The following ZNF3 variants were observed in gnomAD, a reference collection of about 807,000 sequenced individuals.
ZNF3 encodes C2-H2 type zinc finger protein.
ZNF3 carries 16 observed loss-of-function variants against 36.9 expected under a neutral mutation model. That is an observed-to-expected ratio of 0.43 (90% CI 0.29 to 0.66). ZNF3 has a LOEUF of 0.66. Among genes scored for constraint, ZNF3 ranks in the 30% least tolerant of loss-of-function variants. The pLI is 0.13. For missense variants in ZNF3, 462 were observed against 543.1 expected, an observed-to-expected ratio of 0.85 and a Z score of 1.48; for synonymous variants, 201 against 201.9, an observed-to-expected ratio of 1.00 and a Z score of 0.04.
downstream of ZNF3, among the ~76,000 whole-genome samples, chr7:100,069,156 G>GAGAT (rs945936872): frequency 1.1e-4 from 16 of 151,528 alleles, no homozygotes; most frequent in Non-Finnish European, 1.9e-4. Context: ...TTTTGTTGTA[G>GAGAT]AGATAGGGTC....
Position 100,070,119 on chromosome 7 carries a change from G to A in ZNF3, c.*1024C>T, listed in dbSNP as rs1792890420. On this transcript the variant is annotated 3_prime_UTR_variant, in exon 6 of 6. Coordinates refer to ENST00000299667, the MANE Select transcript of ZNF3 (RefSeq NM_032924.5). ...ACCCAGCAACGAGCTCTGCTACCAG[G>A]CTCAGGCACAGCCTGCCTTCTCTGG... 2.0e-6 allele frequency: 2 copies of A among 985,718 alleles called. No individual in the cohort carries two copies. Among genetic ancestry groups the A allele is most frequent in the Non-Finnish European group, 2.4e-6 (2 of 829,934 alleles). 61.1% of individuals were successfully genotyped at this position (985,718 alleles called of 1,614,324 possible). A position where few individuals can be genotyped will look rare whatever the true frequency, so the allele number is the denominator to read the frequency against.
rs148676350 is a variant in ZNF3, at chr7:100,070,166, G to GT, written c.*976dup. 256,515 of 859,406 alleles carry GT rather than the reference G, an allele frequency of 0.3. 18,907 individuals carry two copies. The highest frequency in any genetic ancestry group is 0.46 in the Middle Eastern group (806 of 1,748). The allele number at this position is 859,406 out of a possible 1,614,324, so 53.2% of individuals were successfully genotyped here. On this transcript the variant is annotated 3_prime_UTR_variant, in exon 6 of 6. Transcript: ENST00000299667. ...CTGGGCTTCGTTTTTTTGTTTTTTTGTTTTTTTTTTCTCCCTTTTGGGCTT... is the reference window on the plus strand; with the variant it reads ...CTGGGCTTCGTTTTTTTGTTTTTTTGTTTTTTTTTTTCTCCCTTTTGGGCTT...
intron 2 of ZNF3, chr7:100,079,032 C>T (rs1794591458): frequency 6.6e-6 from 1 of 152,214 alleles, no homozygotes; most frequent in Admixed American, 6.5e-5. Context: ...TGTCCAATAC[C>T]AGAGCCCTTA....
Position 100,075,162 on chromosome 7 carries a change from C to T in ZNF3, c.244G>A (p.Glu82Lys). The T allele has an allele frequency of 6.2e-7, 1 of 1,611,966 alleles. No individual in the cohort carries two copies. The highest frequency in any genetic ancestry group is 8.5e-7 in the Non-Finnish European group (1 of 1,178,376). The change falls in exon 5 of 6, where the codon GAG becomes AAG. Residue 82 changes from glutamate to lysine, a missense_variant. Coordinates refer to ENST00000299667, the MANE Select transcript of ZNF3 (RefSeq NM_032924.5). Reference protein sequence around the residue: ...QRDLYRDVMLENYGNVFSLDR... With the variant: ...QRDLYRDVMLKNYGNVFSLDR... ...AGTGAGAACACATTCCCGTAATTCT[C>T]CAGCATCACATCTCTATAGAGGTCC...
intron 5 of ZNF3, 114 bp downstream of exon 5, chr7:100,075,021 C>G (rs1793838583): frequency 1.2e-5 from 16 of 1,350,014 alleles, no homozygotes; most frequent in Non-Finnish European, 1.5e-5. Context: ...TGTGCCATTG[C>G]ACCTCAAAAA....
downstream of ZNF3, among the ~76,000 whole-genome samples, chr7:100,066,469 C>T (rs577531651): frequency 1.9e-4 from 29 of 152,024 alleles, no homozygotes; most frequent in South Asian, 2.7e-3. Flanking sequence ...TGGTGGCTCA[C>T]GCCTCTAATC....
downstream of ZNF3, among the ~76,000 whole-genome samples, chr7:100,068,108 A>ATTC (rs1398363090): frequency 3.9e-5 from 6 of 151,988 alleles, no homozygotes; most frequent in African/African-American, 9.7e-5. Flanking sequence ...TTCTTCTTCG[A>ATTC]GACAGTCTCG....
Position 100,071,803 on chromosome 7 carries a change from G to A in ZNF3, c.681C>T (p.Pro227=). ...CCTTCCCACACTCATTACATTCATA[G>A]GGCTTTTCCCCAGTGTGGATTCTCT... ...QHQRIHTGEK[P]YECNECGKAF... is the part of the protein sequence containing the mutation. Residue 227 remains proline (P), a synonymous_variant, in exon 6 of 6, where the codon CCC becomes CCT. Transcript: ENST00000299667. 1 of 1,613,718 alleles carries A rather than the reference G, an allele frequency of 6.2e-7. No individual in the cohort carries two copies. Among genetic ancestry groups the A allele is most frequent in the Non-Finnish European group, 8.5e-7 (1 of 1,179,752 alleles).
At chr7:100,073,333 AT>A (rs1457947737) in intron 5 of ZNF3, among the ~76,000 whole-genome samples, 1 of 152,070 alleles carries the variant, frequency 6.6e-6, no homozygotes, top group Non-Finnish European at 1.5e-5. Flanking sequence ...TGAGAAACTA[AT>A]TTATTAATCT....
chr7:100,077,139 G>A (rs1156433287), intron 3 of ZNF3, 164 bp downstream of exon 3: 3 of 729,914 alleles, frequency 4.1e-6, no homozygotes, highest in Non-Finnish European at 4.6e-6. Context: ...ATTGATTACT[G>A]TTCGGTCAGC....
In ZNF3 at chr7:100,075,259, C is replaced by T; in HGVS notation, c.147G>A (p.Glu49=). ...AAALLKAKSQ[E]LVTFEDVAVY... is the part of the protein sequence containing the mutation. ...CAGCTACATCCTCAAAGGTTACCAG[C>T]TCCTGAAACAACACGTGCTGGCATG... The change falls in exon 5 of 6, where the codon GAG becomes GAA. Residue 49 remains glutamate (E), a splice_region_variant and synonymous_variant. Transcript: ENST00000299667. The T allele has an allele frequency of 6.2e-7, 1 of 1,614,144 alleles. No individual in the cohort carries two copies. The highest frequency in any genetic ancestry group is 8.5e-7 in the Non-Finnish European group (1 of 1,180,028).
At chr7:100,073,067 C>T (rs1793472994) in intron 5 of ZNF3, among the ~76,000 whole-genome samples, 1 of 152,302 alleles carries the variant, frequency 6.6e-6, no homozygotes, top group South Asian at 2.1e-4. Context: ...CTTGGCTCTT[C>T]CTCTCATTCT....
At chr7:100,064,497 C>A (rs1264475783) in exon 6 of ZNF3, 1 of 1,613,944 alleles carries the variant, frequency 6.2e-7, no homozygotes, top group Non-Finnish European at 8.5e-7. Flanking sequence ...TCAATAAACA[C>A]CACAGAATCC....
downstream of ZNF3, among the ~76,000 whole-genome samples, chr7:100,068,563 C>T (rs942936986): frequency 2.6e-5 from 4 of 151,390 alleles, no homozygotes; most frequent in African/African-American, 9.7e-5. Flanking sequence ...ATCTCAGATA[C>T]TAGTGAGGCT....
rs1433945316 is a variant in ZNF3 at position 100,081,038 on chromosome 7, C to T, written c.-198+597G>A. Among the ~76,000 whole-genome samples the T allele has an allele frequency of 6.6e-6, 1 of 152,114 alleles. No individual in the cohort carries two copies. On this transcript the variant is annotated intron_variant, in intron 1 of 5. Coordinates refer to ENST00000299667, the MANE Select transcript of ZNF3 (RefSeq NM_032924.5). This position sits in a 1 kb window ranked among gnomAD's most constrained non-coding sequence, Gnocchi z 4.3. ...TGTAAACACCGATGTGGATTCAATC[C>T]CACTTCCGGAGAGAGGATCAAACCA...
chr7:100,078,111 T>C (rs980489311), intron 2 of ZNF3, among the ~76,000 whole-genome samples: 3 of 152,110 alleles, frequency 2.0e-5, no homozygotes, highest in African/African-American at 7.2e-5. Context: ...CCCAAGTTCC[T>C]CAACAATATC....
At chr7:100,076,896 A>C (rs1400110197) in intron 3 of ZNF3, 1 of 181,268 alleles carries the variant, frequency 5.5e-6, no homozygotes, top group East Asian at 1.4e-4. Flanking sequence ...CCTGACCAAC[A>C]TGGCAAAACC....
intron 4 of ZNF3, 113 bp from the exon 5 acceptor site, chr7:100,075,374 G>T: frequency 6.3e-7 from 1 of 1,580,754 alleles, no homozygotes. Flanking sequence ...GAGGAAGGGA[G>T]GACAGGGTGG....
Position 100,070,456 on chromosome 7 carries a change from G to A in ZNF3, c.*687C>T. ...CAGCCGGTTACTAGCTGTTTGGACA[G>A]ATTTGCCCATTCAGCCCCAGGACAA... On this transcript the variant is annotated 3_prime_UTR_variant, in exon 6 of 6. Transcript: ENST00000299667. The A allele has an allele frequency of 2.0e-6, 2 of 985,568 alleles. No homozygotes were observed. Among genetic ancestry groups the A allele is most frequent in the Non-Finnish European group, 2.4e-6 (2 of 830,060 alleles). 61.1% of individuals were successfully genotyped at this position (985,568 alleles called of 1,614,324 possible).
Sources: allele counts gnomAD v4.1 joint callset (sites outside exome capture counted in the v4.1 genomes callset), GRCh38; gene constraint gnomAD v4.1.1; non-coding constraint Gnocchi (gnomAD v3.1); transcripts MANE v1.5; gene names NCBI Gene and HGNC (gene_info 2026-07-23, HGNC 2026-07-21).